KLHDC4: variants seen among roughly 807,000 people sequenced by gnomAD.
KLHDC4 encodes kelch domain-containing protein 4.
A neutral mutation model predicts 62.4 loss-of-function variants in KLHDC4; 90 were observed. The ratio of observed to expected loss-of-function variants is 1.44; its 90% confidence interval spans 1.22 to 1.72. The LOEUF (loss-of-function observed/expected upper bound fraction) is 1.72, where lower values mean the gene tolerates loss of function less well. Ranked by LOEUF, KLHDC4 falls within the 40% of genes most tolerant of loss-of-function variation. The pLI is 0.00. For missense variants in KLHDC4, 1,025 were observed against 699.7 expected, an observed-to-expected ratio of 1.47 and a Z score of -5.25; for synonymous variants, 386 against 284.4, an observed-to-expected ratio of 1.36 and a Z score of -3.59.
chr16:87,712,799 TG>T (rs1200670389), intron 8 of KLHDC4, among the ~76,000 whole-genome samples: 1 of 152,224 alleles, frequency 6.6e-6, no homozygotes. Context: ...TCCCCTCTCC[TG>T]GGGAGGCTGG....
chr16:87,742,877 G>T (rs140240220), intron 5 of KLHDC4: 9 of 152,346 alleles, frequency 5.9e-5, no homozygotes, highest in Non-Finnish European at 1.3e-4. Context: ...TCCTATCAGG[G>T]AAGGGAAGAC....
At chr16:87,700,667 G>A (rs1307128752) in exon 1 of KLHDC4, 12 of 230,608 alleles carry the variant, frequency 5.2e-5, no homozygotes, top group African/African-American at 3.7e-4. Flanking sequence ...GAGGGCAGAG[G>A]GCGGAGGGAG....
intron 9 of KLHDC4, 124 bp from the exon 10 acceptor site, chr16:87,709,791 C>T: frequency 1.7e-6 from 2 of 1,178,258 alleles, no homozygotes; most frequent in Admixed American, 2.8e-5. Context: ...GTGTGTGACC[C>T]AGGAAGGCGC....
chr16:87,737,414 C>T (rs1299412119), intron 5 of KLHDC4, among the ~76,000 whole-genome samples: 1 of 151,942 alleles, frequency 6.6e-6, no homozygotes, highest in Non-Finnish European at 1.5e-5. Context: ...ATGGTGAAAC[C>T]CCGACTCTCC....
At chr16:87,721,151 T>C (rs1360288526) in intron 7 of KLHDC4, among the ~76,000 whole-genome samples, 2 of 152,186 alleles carry the variant, frequency 1.3e-5, no homozygotes, top group African/African-American at 2.4e-5. Flanking sequence ...CCGGGCATAG[T>C]GGCTCATGCC....
At chr16:87,707,619 G>A (rs11859521), downstream of KLHDC4, among the ~76,000 whole-genome samples, 1,139 of 152,308 alleles carry the variant, frequency 7.5e-3, 16 homozygotes, top group African/African-American at 0.026. Flanking sequence ...TTTTGCAGAA[G>A]GAAAGGCTCA....
intron 7 of KLHDC4, 75 bp downstream of exon 7, chr16:87,726,690 C>T (rs1247473553): frequency 9.8e-7 from 1 of 1,019,480 alleles, no homozygotes; most frequent in African/African-American, 1.9e-5. Context: ...CCCCGCGCCT[C>T]GCCCGTCTCC....
chr16:87,745,819 T>G (rs1159173579), intron 5 of KLHDC4, among the ~76,000 whole-genome samples: 1 of 152,188 alleles, frequency 6.6e-6, no homozygotes, highest in African/African-American at 2.4e-5. Flanking sequence ...GGACATCAGC[T>G]GTCAAAGAAC....
intron 2 of KLHDC4, among the ~76,000 whole-genome samples, chr16:87,760,606 C>CAAAAAAAA (rs546426686): frequency 1.9e-5 from 1 of 52,184 alleles, no homozygotes; most frequent in African/African-American, 7.3e-5. Context: ...GACTCCGTCC[C>CAAAAAAAA]AAAAAAAAAA....
intron 1 of KLHDC4, among the ~76,000 whole-genome samples, chr16:87,762,351 C>G (rs1172044257): frequency 5.3e-5 from 8 of 152,188 alleles, no homozygotes; most frequent in Non-Finnish European, 8.8e-5. Context: ...CTCTCAGCAC[C>G]TCTCATAACC....
intron 5 of KLHDC4, among the ~76,000 whole-genome samples, chr16:87,742,215 C>T (rs2042340358): frequency 6.6e-6 from 1 of 152,188 alleles, no homozygotes; most frequent in South Asian, 2.1e-4. Flanking sequence ...ATGCCACACA[C>T]CGCAGCCCAG....
chr16:87,765,433 T>A lies in KLHDC4; in HGVS notation c.99+359A>T, dbSNP rs2046504390. On this transcript the variant is annotated intron_variant, in intron 1 of 11. Transcript: ENST00000270583. ...GCAGCCCCCGGCTCAACCTCAGGTCTTCCTGTGCCAAACCCCTCCCTCTTC... is the reference window on the plus strand; with the variant it reads ...GCAGCCCCCGGCTCAACCTCAGGTCATCCTGTGCCAAACCCCTCCCTCTTC... 1.4e-4 allele frequency: 71 copies of A among 496,012 alleles called. 1 individual carries two copies. Among genetic ancestry groups the A allele is most frequent in the South Asian group, 1.1e-3 (71 of 64,480 alleles). 30.7% of individuals were successfully genotyped at this position (496,012 alleles called of 1,614,324 possible). A position where few individuals can be genotyped will look rare whatever the true frequency, so the allele number is the denominator to read the frequency against.
intron 2 of KLHDC4, 140 bp from the exon 3 acceptor site, chr16:87,756,617 G>A (rs2044965456): frequency 3.3e-6 from 2 of 614,852 alleles, no homozygotes; most frequent in Admixed American, 5.5e-5. Flanking sequence ...CATCGAGAAA[G>A]GAAGCAAAGG....
chr16:87,715,681 C>G (rs1416657912), intron 7 of KLHDC4, among the ~76,000 whole-genome samples: 1 of 152,112 alleles, frequency 6.6e-6, no homozygotes, highest in African/African-American at 2.4e-5. Context: ...TAGGACGATC[C>G]CCGGGGTGAA....
chr16:87,738,218 A>T (rs976129346), intron 5 of KLHDC4, among the ~76,000 whole-genome samples: 2 of 152,154 alleles, frequency 1.3e-5, no homozygotes, highest in African/African-American at 4.8e-5. Flanking sequence ...CAGAATCGTA[A>T]AGTAACGGAA....
At chr16:87,744,616 G>A (rs1322495454) in intron 5 of KLHDC4, among the ~76,000 whole-genome samples, 3 of 150,568 alleles carry the variant, frequency 2.0e-5, no homozygotes, top group South Asian at 2.1e-4. Context: ...AAAAACTGAT[G>A]GTAAAGCTCA....
intron 5 of KLHDC4, among the ~76,000 whole-genome samples, chr16:87,745,824 A>G (rs2042957373): frequency 6.6e-6 from 1 of 152,214 alleles, no homozygotes; most frequent in African/African-American, 2.4e-5. Context: ...TCAGCTGTCA[A>G]AGAACATCTC....
At chr16:87,754,854 C>T (rs1041484102) in intron 4 of KLHDC4, among the ~76,000 whole-genome samples, 13 of 152,208 alleles carry the variant, frequency 8.5e-5, no homozygotes, top group African/African-American at 3.1e-4. Flanking sequence ...CACACCTTTC[C>T]TGAACATCCA....
chr16:87,714,709 G>A (rs12928928), intron 7 of KLHDC4, 136 bp from the exon 8 acceptor site: 62,003 of 882,596 alleles, frequency 0.07, 3,073 homozygotes, highest in South Asian at 0.18. Flanking sequence ...GCTCCAAAGC[G>A]TGCCTGCAGT....
Sources: allele counts gnomAD v4.1 joint callset (sites outside exome capture counted in the v4.1 genomes callset), GRCh38; gene constraint gnomAD v4.1.1; transcripts MANE v1.5; gene names NCBI Gene and HGNC (gene_info 2026-07-23, HGNC 2026-07-21).